SYCP1: variants seen among roughly 807,000 people sequenced by gnomAD.
The protein encoded by SYCP1 is synaptonemal complex protein 1, also known as cancer/testis antigen 8.
In SYCP1, 64 loss-of-function variants were observed where a neutral mutation model predicts 153.1. The ratio of observed to expected loss-of-function variants is 0.42; its 90% confidence interval spans 0.34 to 0.51. SYCP1 has a LOEUF of 0.51. Among genes scored for constraint, SYCP1 ranks in the 20% least tolerant of loss-of-function variants. The pLI is 0.06. For synonymous variants in SYCP1, 384 were observed against 341.8 expected (o/e 1.12, Z -1.36); for missense variants, 997 against 1,049.0 (o/e 0.95, Z 0.68).
At position 114,855,190 on chromosome 1, in the gene SYCP1, G is replaced by A. The variant is rs555202034; in HGVS notation, c.-25+172G>A. 3.3e-4 allele frequency: 68 copies of A among 205,924 alleles called. 1 individual carries two copies. In the South Asian group the frequency reaches 8.0e-3, roughly 24 times the overall value. The allele number at this position is 205,924 out of a possible 1,614,324, so 12.8% of individuals were successfully genotyped here. On this transcript the variant is annotated intron_variant, in intron 1 of 31. Coordinates refer to ENST00000369522, the MANE Select transcript of SYCP1 (RefSeq NM_003176.4). ...GATGGAATTTAATGGGACAGGAGAA[G>A]GGAACGGGCTTTCTTTTCAGGCCAG...
chr1:114,922,192 T>C (rs1570776474), intron 20 of SYCP1, among the ~76,000 whole-genome samples: 1 of 152,170 alleles, frequency 6.6e-6, no homozygotes, highest in African/African-American at 2.4e-5. Flanking sequence ...GGAAGTTCTC[T>C]GTTATTATCC....
intron 16 of SYCP1, among the ~76,000 whole-genome samples, chr1:114,907,039 A>G (rs1667858099): frequency 6.6e-6 from 1 of 152,124 alleles, no homozygotes; most frequent in Non-Finnish European, 1.5e-5. Flanking sequence ...TCTAACTACC[A>G]TATCTTCTTG....
intron 3 of SYCP1, 96 bp from the exon 4 acceptor site, chr1:114,857,136 C>CAAA (rs71582509): frequency 0.1 from 25,254 of 241,220 alleles, 1,381 homozygotes; most frequent in East Asian, 0.16. Flanking sequence ...CTCTCTCTCT[C>CAAA]AAAAAAAAAA....
intron 8 of SYCP1, among the ~76,000 whole-genome samples, chr1:114,861,805 T>C (rs1310382108): frequency 6.6e-6 from 1 of 150,952 alleles, no homozygotes; most frequent in East Asian, 1.9e-4. Flanking sequence ...TATTCTTTTT[T>C]TTTTTTTTTT....
Position 114,981,411 on chromosome 1 carries a change from G to A in SYCP1, c.2458G>A (p.Val820Ile), listed in dbSNP as rs187856270. The A allele has an allele frequency of 3.1e-6, 5 of 1,609,348 alleles. No individual in the cohort carries two copies. Among genetic ancestry groups the A allele is most frequent in the African/African-American group, 1.3e-5 (1 of 74,774 alleles). ...LDSKAVPSQT[V>I]SRNFTSVDHG... Reference sequence around the variant, plus strand: ...TTCTAAAGCAGTTCCTTCACAAACTGTATCTCGAAATTTCACATCAGTTGA... The same window carrying A: ...TTCTAAAGCAGTTCCTTCACAAACTATATCTCGAAATTTCACATCAGTTGA... The change falls in exon 29 of 32, where the codon GTA becomes ATA. Residue 820 changes from valine (V) to isoleucine (I), a missense_variant. Physicochemically the swap from Val to Ile is conservative, Grantham distance 29 (BLOSUM62 3). Transcript: ENST00000369522.
chr1:114,871,842 T>TCC (rs1665156486), intron 8 of SYCP1, among the ~76,000 whole-genome samples: 1 of 152,228 alleles, frequency 6.6e-6, no homozygotes, highest in African/African-American at 2.4e-5. Flanking sequence ...TGCCTTGGCC[T>TCC]CCCAAAGTGC....
At chr1:114,904,070 T>C (rs1667652675) in intron 16 of SYCP1, among the ~76,000 whole-genome samples, 1 of 152,172 alleles carries the variant, frequency 6.6e-6, no homozygotes, top group Non-Finnish European at 1.5e-5. Flanking sequence ...GTAGCTATTC[T>C]AGTTCCTTTA....
At chr1:114,874,819 C>T (rs1245631526) in intron 9 of SYCP1, among the ~76,000 whole-genome samples, 1 of 152,152 alleles carries the variant, frequency 6.6e-6, no homozygotes, top group Admixed American at 6.5e-5. Flanking sequence ...GAAATCAGCA[C>T]ATTGTGACAC....
At chr1:114,857,519 A>G (rs1664083764) in intron 5 of SYCP1, 22 bp downstream of exon 5, 17 of 1,556,992 alleles carry the variant, frequency 1.1e-5, no homozygotes, top group Non-Finnish European at 1.5e-5. Flanking sequence ...TCCCATTCAT[A>G]TTAAATTTCT....
At chr1:114,858,403 A>T (rs1570642536) in intron 5 of SYCP1, 144 bp from the exon 6 acceptor site, 2 of 543,522 alleles carry the variant, frequency 3.7e-6, no homozygotes, top group East Asian at 6.2e-5. Flanking sequence ...AAAAGAGTTA[A>T]TGTGGCTTTC....
At chr1:114,942,855 T>C (rs960064443) in intron 23 of SYCP1, among the ~76,000 whole-genome samples, 1 of 151,892 alleles carries the variant, frequency 6.6e-6, no homozygotes, top group Admixed American at 6.6e-5. Flanking sequence ...TCTGGTTACT[T>C]GGAAAGTAAA....
intron 16 of SYCP1, among the ~76,000 whole-genome samples, chr1:114,907,667 C>T (rs1220968370): frequency 3.3e-5 from 5 of 151,482 alleles, no homozygotes; most frequent in African/African-American, 4.9e-5. Flanking sequence ...CTGCAAGCTC[C>T]GCCTCCTGGG....
intron 15 of SYCP1, among the ~76,000 whole-genome samples, chr1:114,888,063 T>C (rs1666435021): frequency 6.6e-6 from 1 of 152,126 alleles, no homozygotes; most frequent in African/African-American, 2.4e-5. Context: ...TTCATTGCTT[T>C]GTCATGTTAC....
chr1:114,929,436 C>T (rs748286976), intron 23 of SYCP1, among the ~76,000 whole-genome samples: 1 of 150,894 alleles, frequency 6.6e-6, no homozygotes, highest in Non-Finnish European at 1.5e-5. Flanking sequence ...CAAGGGCAAA[C>T]CATATACTAT....
intron 8 of SYCP1, among the ~76,000 whole-genome samples, chr1:114,865,318 C>A (rs1403134064): frequency 1.3e-5 from 2 of 151,960 alleles, no homozygotes; most frequent in African/African-American, 4.8e-5. Context: ...TTAAATTTTC[C>A]TAGTTCATTG....
At chr1:114,916,894 A>T (rs958499298) in intron 20 of SYCP1, among the ~76,000 whole-genome samples, 3 of 151,954 alleles carry the variant, frequency 2.0e-5, no homozygotes, top group African/African-American at 7.2e-5. Flanking sequence ...GGTATATATA[A>T]GTATGGGGTA....
intron 23 of SYCP1, among the ~76,000 whole-genome samples, chr1:114,930,453 G>A (rs950438937): frequency 3.7e-4 from 56 of 151,780 alleles, no homozygotes; most frequent in Non-Finnish European, 2.1e-4. Context: ...AAAATTCACT[G>A]CAGGCAAGAA....
At chr1:114,986,266 T>C (rs1673500258) in intron 30 of SYCP1, among the ~76,000 whole-genome samples, 2 of 152,030 alleles carry the variant, frequency 1.3e-5, no homozygotes, top group Non-Finnish European at 2.9e-5. Flanking sequence ...GAACACAGTC[T>C]GGCTTCATAG....
chr1:114,910,336 T>A, intron 16 of SYCP1, 61 bp from the exon 17 acceptor site: 2 of 1,200,660 alleles, frequency 1.7e-6, no homozygotes, highest in Non-Finnish European at 2.4e-6. Context: ...ATTTGGGCAG[T>A]TTGATTACTT....
Sources: allele counts gnomAD v4.1 joint callset (sites outside exome capture counted in the v4.1 genomes callset), GRCh38; gene constraint gnomAD v4.1.1; transcripts MANE v1.5; gene names NCBI Gene and HGNC (gene_info 2026-07-23, HGNC 2026-07-21).